PPP1CB: variants seen among roughly 807,000 people sequenced by gnomAD.
The protein encoded by PPP1CB is serine/threonine-protein phosphatase PP1-beta catalytic subunit.
PPP1CB carries 2 observed loss-of-function variants against 43.7 expected under a neutral mutation model. The ratio of observed to expected loss-of-function variants is 0.05; its 90% CI spans 0.02 to 0.14. The LOEUF is 0.14. Among genes scored for constraint, PPP1CB ranks in the 10% least tolerant of loss-of-function variants. PPP1CB has a pLI of 1.00. For synonymous variants in PPP1CB, 136 were observed against 135.6 expected (o/e 1.00, Z -0.02); for missense variants, 84 against 398.0 (o/e 0.21, Z 6.71).
At chr2:28,786,223 C>G (rs4477866) in intron 5 of PPP1CB, among the ~76,000 whole-genome samples, 2 of 151,816 alleles carry the variant, frequency 1.3e-5, no homozygotes, top group Non-Finnish European at 2.9e-5. Context: ...AAGCAGTTCT[C>G]TTGCTTCAGC....
chr2:28,773,563 T>A (rs1381791972), intron 1 of PPP1CB, among the ~76,000 whole-genome samples: 1 of 152,254 alleles, frequency 6.6e-6, no homozygotes, highest in Non-Finnish European at 1.5e-5. Flanking sequence ...ATTTATAATA[T>A]TTTTATAATC....
intron 6 of PPP1CB, among the ~76,000 whole-genome samples, chr2:28,791,203 T>C (rs1667377250): frequency 6.6e-6 from 1 of 152,218 alleles, no homozygotes; most frequent in South Asian, 2.1e-4. Context: ...TAAAAATGAC[T>C]GGCTTTTTAT....
chr2:28,774,968 CCTGT>C (rs1265468610), intron 1 of PPP1CB, among the ~76,000 whole-genome samples: 1 of 151,836 alleles, frequency 6.6e-6, no homozygotes, highest in East Asian at 1.9e-4. Flanking sequence ...GTCTGTGTCT[CCTGT>C]TTATTGCCTC....
At chr2:28,793,720 TA>T in intron 6 of PPP1CB, 142 bp from the exon 7 acceptor site, 2 of 812,728 alleles carry the variant, frequency 2.5e-6, no homozygotes, top group South Asian at 2.1e-5. Context: ...AGTTTAAGAA[TA>T]AAAATCACAA....
chr2:28,754,312 G>C (rs1666427996), intron 1 of PPP1CB, among the ~76,000 whole-genome samples: 1 of 107,650 alleles, frequency 9.3e-6, no homozygotes, highest in Non-Finnish European at 1.7e-5. Context: ...TAAATATTTG[G>C]TTTGTACAAT....
chr2:28,766,315 G>C (rs937439479), intron 1 of PPP1CB, among the ~76,000 whole-genome samples: 4 of 152,190 alleles, frequency 2.6e-5, no homozygotes, highest in African/African-American at 7.2e-5. Flanking sequence ...TCATGTAACT[G>C]ACAGTGGTTA....
At chr2:28,776,470 A>G (rs6728459) in intron 1 of PPP1CB, among the ~76,000 whole-genome samples, 102,730 of 151,782 alleles carry the variant, frequency 0.68, 34,982 homozygotes, top group South Asian at 0.76. Context: ...ATGTTGATCA[A>G]GCTGGTTTTG....
rs1195185423 is a variant in PPP1CB, at chr2:28,783,763, A to AG, written c.521-144_521-143insG. On this transcript the variant is annotated intron_variant, in intron 4 of 7. Transcript: ENST00000395366. ...CAGAGTAAGATTCTGTCTCGAAAAA[A>AG]AAAAAAGACGTTAAAAGGAACACTT... 7 of 611,204 alleles carry AG rather than the reference A, an allele frequency of 1.1e-5. No individual in the cohort carries two copies. The African/African-American group carries it at 1.3e-4, about 11-fold the overall frequency. The allele number at this position is 611,204 out of a possible 1,614,324, so 37.9% of individuals were successfully genotyped here. A position where few individuals can be genotyped will look rare whatever the true frequency, so the allele number is the denominator to read the frequency against.
In PPP1CB at chr2:28,767,713, T is replaced by C. The variant is rs116391000; in HGVS notation, c.53-9138T>C. ...AGTGGCTATGCTTCATTAAACTTTA[T>C]GGCCACCAAAATTTGAGTTTCATAT... On this transcript the variant is annotated intron_variant, in intron 1 of 7. Coordinates refer to ENST00000395366, the MANE Select transcript of PPP1CB (RefSeq NM_002709.3). Among the ~76,000 whole-genome samples the C allele has an allele frequency of 5.7e-3, 873 of 152,368 alleles. 3 individuals carry two copies. The highest frequency in any genetic ancestry group is 8.5e-3 in the Admixed American group (130 of 15,304).
chr2:28,777,723 G>A (rs1189273706), intron 2 of PPP1CB, among the ~76,000 whole-genome samples: 1 of 152,146 alleles, frequency 6.6e-6, no homozygotes, highest in Non-Finnish European at 1.5e-5. Flanking sequence ...CACAATCTTG[G>A]CTCACTGCAA....
At chr2:28,794,197 G>A (rs1007465070) in intron 7 of PPP1CB, among the ~76,000 whole-genome samples, 200 bp downstream of exon 7, 9 of 152,202 alleles carry the variant, frequency 5.9e-5, no homozygotes, top group African/African-American at 1.7e-4. Flanking sequence ...AAATATGACC[G>A]TTTTAGGGAA....
chr2:28,772,784 A>G (rs1387941019), intron 1 of PPP1CB, among the ~76,000 whole-genome samples: 1 of 152,208 alleles, frequency 6.6e-6, no homozygotes, highest in East Asian at 1.9e-4. Context: ...ATAATCTGAA[A>G]TCTGAAATGC....
intron 6 of PPP1CB, among the ~76,000 whole-genome samples, chr2:28,792,030 C>T (rs1691177885): frequency 6.6e-6 from 1 of 151,394 alleles, no homozygotes; most frequent in South Asian, 2.1e-4. Context: ...AACACGAAAC[C>T]CTGTCTCTAC....
rs2148064093 is a variant in PPP1CB, at chr2:28,799,392, T to C, written c.*89T>C. 5 of 1,037,796 alleles carry C rather than the reference T, an allele frequency of 4.8e-6. No individual in the cohort carries two copies. Among genetic ancestry groups the C allele is most frequent in the Admixed American group, 2.3e-5 (1 of 43,138 alleles). 64.3% of individuals were successfully genotyped at this position (1,037,796 alleles called of 1,614,324 possible). A position where few individuals can be genotyped will look rare whatever the true frequency, so the allele number is the denominator to read the frequency against. ...TGCACTGTAAAACCATCCAGCCATT[T>C]GACACCCTTTATGATGTCACACCTT... On this transcript the variant is annotated 3_prime_UTR_variant, in exon 8 of 8. Transcript: ENST00000395366.
intron 1 of PPP1CB, among the ~76,000 whole-genome samples, chr2:28,759,821 G>A (rs1203832161): frequency 1.3e-5 from 2 of 152,038 alleles, no homozygotes; most frequent in African/African-American, 4.8e-5. Flanking sequence ...GTTTCACCGT[G>A]TTAGCCAGGA....
At chr2:28,785,237 G>A (rs1025568038) in intron 5 of PPP1CB, among the ~76,000 whole-genome samples, 7 of 151,330 alleles carry the variant, frequency 4.6e-5, no homozygotes, top group African/African-American at 1.7e-4. Flanking sequence ...ACCACACCCG[G>A]CCAATTTTTT....
intron 6 of PPP1CB, among the ~76,000 whole-genome samples, chr2:28,791,473 G>C (rs1276814791): frequency 1.3e-5 from 2 of 152,020 alleles, no homozygotes; most frequent in Admixed American, 6.6e-5. Flanking sequence ...TGGGACTACA[G>C]GTGTATGCCA....
At chr2:28,777,601 G>A (rs978655912) in intron 2 of PPP1CB, among the ~76,000 whole-genome samples, 3 of 152,142 alleles carry the variant, frequency 2.0e-5, no homozygotes, top group Non-Finnish European at 4.4e-5. Context: ...CCTTTGTACA[G>A]TGCCCAGCAA....
intron 1 of PPP1CB, among the ~76,000 whole-genome samples, chr2:28,775,745 AGGGAGTCAG>A (rs1391782620): frequency 6.6e-6 from 1 of 152,174 alleles, no homozygotes; most frequent in Non-Finnish European, 1.5e-5. Context: ...TTAAGGTTAA[AGGGAGTCAG>A]GGGAGATGGT....
Sources: gnomAD v4.1 joint callset for allele counts (sites outside exome capture counted in the v4.1 genomes callset) on GRCh38, gnomAD v4.1.1 for gene constraint, MANE v1.5 for transcripts, NCBI Gene and HGNC (gene_info 2026-07-23, HGNC 2026-07-21) for gene names.